GRID2: variants seen among roughly 807,000 people sequenced by gnomAD.
GRID2 encodes glutamate ionotropic receptor delta type subunit 2, also known as glutamate receptor ionotropic, delta-2.
In GRID2, 33 loss-of-function variants were observed where a neutral mutation model predicts 114.8. That is an observed-to-expected ratio of 0.29 (90% CI 0.22 to 0.38). GRID2 has a LOEUF of 0.38. Among genes scored for constraint, GRID2 ranks in the 10% least tolerant of loss-of-function variants. GRID2 has a pLI of 1.00. For missense variants in GRID2, 1,184 were observed against 1,257.7 expected (o/e 0.94, Z 0.89); for synonymous variants, 505 against 449.9 (o/e 1.12, Z -1.55).
At chr4:93,198,567 A>G (rs1741742287) in intron 4 of GRID2, among the ~76,000 whole-genome samples, 1 of 152,158 alleles carries the variant, frequency 6.6e-6, no homozygotes, top group Admixed American at 6.5e-5. Flanking sequence ...AGCCACTTAC[A>G]TAGTTATCTA....
chr4:93,018,804 A>G (rs1723010579), intron 2 of GRID2, among the ~76,000 whole-genome samples: 1 of 152,122 alleles, frequency 6.6e-6, no homozygotes, highest in Admixed American at 6.6e-5. Flanking sequence ...AAGTGGTATC[A>G]TATCAATGAA....
intron 1 of GRID2, among the ~76,000 whole-genome samples, chr4:92,443,395 C>A (rs1430798545): frequency 6.6e-6 from 1 of 151,376 alleles, no homozygotes; most frequent in Non-Finnish European, 1.5e-5. Flanking sequence ...TTTGAGAACA[C>A]AGGCCAAGGG....
At chr4:93,045,691 A>T (rs1261307481) in intron 2 of GRID2, among the ~76,000 whole-genome samples, 2 of 152,158 alleles carry the variant, frequency 1.3e-5, no homozygotes, top group Non-Finnish European at 2.9e-5. Flanking sequence ...GGGCCTGTCC[A>T]GCATCTTTCT....
At chr4:93,205,221 TTTA>T (rs1742572104) in intron 4 of GRID2, among the ~76,000 whole-genome samples, 1 of 152,112 alleles carries the variant, frequency 6.6e-6, no homozygotes, top group Admixed American at 6.6e-5. Context: ...GTGTTTTTTT[TTTA>T]TTTTTTTTTA....
At chr4:93,154,232 A>G (rs1332142092) in intron 4 of GRID2, among the ~76,000 whole-genome samples, 3 of 152,058 alleles carry the variant, frequency 2.0e-5, no homozygotes, top group Non-Finnish European at 4.4e-5. Flanking sequence ...TTAGTTGTTA[A>G]AGTATTGAAA....
At chr4:93,600,804 T>C (rs879806406) in intron 13 of GRID2, among the ~76,000 whole-genome samples, 37 of 152,202 alleles carry the variant, frequency 2.4e-4, no homozygotes, top group Non-Finnish European at 1.0e-4. Flanking sequence ...TGGAAAAGCA[T>C]AGTGGTCTAC....
At chr4:92,993,010 C>G (rs1754999364) in intron 2 of GRID2, among the ~76,000 whole-genome samples, 1 of 152,116 alleles carries the variant, frequency 6.6e-6, no homozygotes, top group African/African-American at 2.4e-5. Context: ...CTTCACTCTG[C>G]AGCATATTAG....
chr4:93,655,145 C>G (rs545616002), intron 14 of GRID2, among the ~76,000 whole-genome samples: 1 of 152,052 alleles, frequency 6.6e-6, no homozygotes, highest in Non-Finnish European at 1.5e-5. Context: ...ATAGGGATGG[C>G]CCTTCCTTAG....
Position 93,490,663 on chromosome 4 carries a change from T to A in GRID2, c.1883T>A (p.Leu628Gln), listed in dbSNP as rs1726905599. 6.2e-7 allele frequency: 1 copy of A among 1,610,954 alleles called. No individual in the cohort carries two copies. The change falls in exon 12 of 16, where the codon CTG (leucine) becomes CAG (glutamine). Residue 628 changes from leucine to glutamine, a missense_variant. Physicochemically the swap from Leu to Gln is moderately radical, Grantham distance 113. Coordinates refer to ENST00000282020, the MANE Select transcript of GRID2 (RefSeq NM_001510.4). ...GGCGGGGAAGTCCCGTACACGACTCTGGCTACCCGAATGATGATGGGGGCT... is the reference window on the plus strand; with the variant it reads ...GGCGGGGAAGTCCCGTACACGACTCAGGCTACCCGAATGATGATGGGGGCT... ...QQGGEVPYTT[L>Q]ATRMMMGAWW...
chr4:92,952,333 C>T (rs939737712), intron 2 of GRID2, among the ~76,000 whole-genome samples: 4 of 152,008 alleles, frequency 2.6e-5, no homozygotes, highest in Non-Finnish European at 5.9e-5. Context: ...TCATTGTGTT[C>T]TTTTTATCAA....
rs199751939 is a variant in GRID2 at position 93,682,937 on chromosome 4, TA to T, written c.2360+56512del. Among the ~76,000 whole-genome samples the T allele has an allele frequency of 8.6e-3, 1,007 of 116,808 alleles. 46 individuals are homozygous for T. The highest frequency in any genetic ancestry group is 0.07 in the Admixed American group (831 of 11,880). The allele number at this position is 116,808 out of a possible 152,430, so 76.6% of individuals were successfully genotyped here. On this transcript the variant is annotated intron_variant, in intron 14 of 15. Coordinates refer to ENST00000282020, the MANE Select transcript of GRID2 (RefSeq NM_001510.4). The stretch of plus-strand genomic sequence containing the variant: ...CCTAAAACTTAAAGTATAATAATAA[TA>T]AAAAAAAAAGAAAGAAAAGAAAAAC...
chr4:92,868,905 T>G (rs1193970278), intron 2 of GRID2, among the ~76,000 whole-genome samples: 1 of 152,166 alleles, frequency 6.6e-6, no homozygotes, highest in Non-Finnish European at 1.5e-5. Flanking sequence ...AAAATCTACT[T>G]TTTTCAAACA....
At chr4:93,407,625 C>T (rs1766587348) in intron 9 of GRID2, among the ~76,000 whole-genome samples, 1 of 151,924 alleles carries the variant, frequency 6.6e-6, no homozygotes, top group East Asian at 1.9e-4. Flanking sequence ...ATTTCAGTTT[C>T]TCTAGGTGAT....
At chr4:92,822,112 C>T (rs146680552) in intron 2 of GRID2, 9 of 329,488 alleles carry the variant, frequency 2.7e-5, no homozygotes, top group Non-Finnish European at 4.2e-5. Context: ...CCGATAACTT[C>T]TTGCTTAATT....
chr4:93,578,291 A>G (rs1055694928), intron 13 of GRID2, among the ~76,000 whole-genome samples: 1 of 152,146 alleles, frequency 6.6e-6, no homozygotes, highest in Non-Finnish European at 1.5e-5. Context: ...GGAGAAAAAT[A>G]GGTATTTTGA....
At chr4:92,695,299 T>G (rs1734374027) in intron 2 of GRID2, among the ~76,000 whole-genome samples, 1 of 152,058 alleles carries the variant, frequency 6.6e-6, no homozygotes, top group Non-Finnish European at 1.5e-5. Flanking sequence ...AAAAATAAGA[T>G]TTAGAGAACT....
chr4:93,801,958 C>G (rs566057793), intron 1 of GRID2, among the ~76,000 whole-genome samples: 1 of 152,316 alleles, frequency 6.6e-6, no homozygotes, highest in South Asian at 2.1e-4. Context: ...CCTTTAAAAT[C>G]CTGTATGTAG....
chr4:92,738,750 T>G (rs1176884556), intron 2 of GRID2, among the ~76,000 whole-genome samples: 2 of 152,042 alleles, frequency 1.3e-5, no homozygotes, highest in Admixed American at 6.6e-5. Flanking sequence ...CTCCTAGGCT[T>G]AAGTGATTCT....
chr4:93,550,496 T>C (rs1733654649), intron 13 of GRID2, among the ~76,000 whole-genome samples: 1 of 152,190 alleles, frequency 6.6e-6, no homozygotes, highest in Non-Finnish European at 1.5e-5. Context: ...TATGAAAAAG[T>C]CATCCTTATA....
Sources: gnomAD v4.1 joint callset for allele counts (sites outside exome capture counted in the v4.1 genomes callset) on GRCh38, gnomAD v4.1.1 for gene constraint, MANE v1.5 for transcripts, NCBI Gene and HGNC (gene_info 2026-07-23, HGNC 2026-07-21) for gene names.